The following BACH2 variants were observed in gnomAD, a reference collection of about 807,000 sequenced individuals.
The protein encoded by BACH2 is BACH transcriptional regulator 2.
A neutral mutation model predicts 61.8 loss-of-function variants in BACH2; 5 were observed. The ratio of observed to expected loss-of-function variants is 0.08; its 90% confidence interval spans 0.04 to 0.17. BACH2 has a LOEUF of 0.17. BACH2 is among the 10% of genes least tolerant of loss of function. The pLI, the probability that BACH2 is intolerant of heterozygous loss-of-function variation, is 1.00. For missense variants in BACH2, 824 were observed against 1,091.1 expected (o/e 0.76, Z 3.45); for synonymous variants, 446 against 440.1 (o/e 1.01, Z -0.17).
chr6:90,270,660 A>G (rs1382401678), intron 2 of BACH2, among the ~76,000 whole-genome samples: 1 of 152,210 alleles, frequency 6.6e-6, no homozygotes, highest in Non-Finnish European at 1.5e-5. Context: ...GACAAAAGCA[A>G]TCTACAGATT....
At chr6:90,247,245 T>TC (rs1491362133) in intron 3 of BACH2, among the ~76,000 whole-genome samples, 3 of 151,288 alleles carry the variant, frequency 2.0e-5, no homozygotes, top group African/African-American at 7.3e-5. Flanking sequence ...TTCTTCTTCT[T>TC]CTTTTTTTTT....
At chr6:90,260,612 G>C (rs994111943) in intron 2 of BACH2, among the ~76,000 whole-genome samples, 2 of 152,192 alleles carry the variant, frequency 1.3e-5, no homozygotes, top group African/African-American at 4.8e-5. Flanking sequence ...TTTTCTGTCT[G>C]AATGATGTAC....
chr6:90,204,040 C>T (rs1032670702), intron 4 of BACH2, among the ~76,000 whole-genome samples: 5 of 152,126 alleles, frequency 3.3e-5, no homozygotes, highest in African/African-American at 1.2e-4. Context: ...GAGGGATGGT[C>T]TCTAATGGAT....
chr6:90,206,809 A>G (rs1028080683), intron 3 of BACH2, 128 bp from the exon 4 acceptor site: 1 of 152,262 alleles, frequency 6.6e-6, no homozygotes, highest in African/African-American at 2.4e-5. Flanking sequence ...CATGGTAGCC[A>G]CTAGTCAGAT....
intron 6 of BACH2, among the ~76,000 whole-genome samples, chr6:89,967,433 G>C (rs1441791781): frequency 1.3e-5 from 2 of 152,188 alleles, no homozygotes; most frequent in South Asian, 2.1e-4. Context: ...GGGTGTTCCA[G>C]TATTTGGATG....
At chr6:90,147,200 C>T (rs747577932) in intron 4 of BACH2, among the ~76,000 whole-genome samples, 4 of 152,150 alleles carry the variant, frequency 2.6e-5, no homozygotes, top group African/African-American at 9.7e-5. Context: ...TGCAAAGTAT[C>T]TGAGGGTAGG....
At chr6:90,258,751 GT>G (rs997898637) in intron 2 of BACH2, among the ~76,000 whole-genome samples, 3 of 151,768 alleles carry the variant, frequency 2.0e-5, no homozygotes, top group Admixed American at 1.3e-4. Context: ...ATGTTTTATA[GT>G]TTTCAGTGTA....
intron 6 of BACH2, among the ~76,000 whole-genome samples, chr6:89,959,190 G>A (rs574794541): frequency 6.6e-6 from 1 of 151,788 alleles, no homozygotes; most frequent in South Asian, 2.1e-4. Context: ...CTGATTTGAG[G>A]AGGGGGTGAT....
At chr6:90,253,471 C>G (rs1770877759) in intron 2 of BACH2, among the ~76,000 whole-genome samples, 2 of 152,036 alleles carry the variant, frequency 1.3e-5, no homozygotes, top group African/African-American at 2.4e-5. Context: ...ATTAGGATAC[C>G]TTAGAAGAGG....
At chr6:90,186,545 C>T (rs866266714) in intron 4 of BACH2, among the ~76,000 whole-genome samples, 6 of 152,184 alleles carry the variant, frequency 3.9e-5, no homozygotes, top group Middle Eastern at 6.8e-3. Flanking sequence ...ATTTAAAACA[C>T]GGTGTTATCA....
chr6:89,973,303 TA>T (rs1775473397), intron 6 of BACH2, among the ~76,000 whole-genome samples: 1 of 151,924 alleles, frequency 6.6e-6, no homozygotes, highest in South Asian at 2.1e-4. Context: ...TGAGCTAGTA[TA>T]ATGTGAGATG....
In BACH2 at chr6:89,950,339, G is replaced by A; in HGVS notation, c.1767C>T (p.Ser589=). The change falls in exon 7 of 9, where the codon TCC becomes TCT. Residue 589 remains serine (S), a synonymous_variant. Coordinates refer to ENST00000257749, the MANE Select transcript of BACH2 (RefSeq NM_021813.4). The surrounding 1 kb of genome is among the most constrained non-coding windows in gnomAD (Gnocchi z 5.3). ...IKCEQSYGTN[S]SDESGSFSEA... ...CCGAGAACGATCCGGATTCGTCACTGGAGTTGGTTCCATAAGACTGCTCAC... is the reference window on the plus strand; with the variant it reads ...CCGAGAACGATCCGGATTCGTCACTAGAGTTGGTTCCATAAGACTGCTCAC... 6.2e-7 allele frequency: 1 copy of A among 1,614,158 alleles called. No individual in the cohort carries two copies. Among genetic ancestry groups the A allele is most frequent in the East Asian group, 2.2e-5 (1 of 44,870 alleles).
intron 6 of BACH2, among the ~76,000 whole-genome samples, chr6:89,989,685 C>A (rs1324974914): frequency 6.6e-6 from 1 of 152,206 alleles, no homozygotes; most frequent in African/African-American, 2.4e-5. Context: ...ATGTCAAATA[C>A]ATTCTCTGAA....
intron 4 of BACH2, among the ~76,000 whole-genome samples, chr6:90,153,673 C>T (rs1321130611): frequency 6.6e-6 from 1 of 152,206 alleles, no homozygotes; most frequent in Non-Finnish European, 1.5e-5. Flanking sequence ...ATACCAATCT[C>T]TCTCCATGCT....
intron 5 of BACH2, among the ~76,000 whole-genome samples, chr6:90,009,243 C>T (rs150846859): frequency 2.0e-5 from 3 of 152,272 alleles, no homozygotes; most frequent in Non-Finnish European, 2.9e-5. Context: ...TATGCAAGGA[C>T]TAACTTAGAT....
chr6:90,137,286 C>CT (rs1784301466), intron 4 of BACH2, among the ~76,000 whole-genome samples: 1 of 152,132 alleles, frequency 6.6e-6, no homozygotes, highest in South Asian at 2.1e-4. Context: ...TATATGCTAT[C>CT]TGAGAGGCAT....
intron 7 of BACH2, among the ~76,000 whole-genome samples, chr6:89,939,822 AAT>A (rs1030045589): frequency 6.7e-5 from 7 of 104,190 alleles, no homozygotes; most frequent in Non-Finnish European, 5.6e-5. Context: ...CAGTTAATTA[AAT>A]TTTTTTTTTT....
At position 90,086,748 on chromosome 6, in the gene BACH2, G is replaced by A. The variant is rs753402748; in HGVS notation, c.-13+2213C>T. Among the ~76,000 whole-genome samples the A allele has an allele frequency of 3.9e-5, 6 of 152,206 alleles. No individual in the cohort carries two copies. In the South Asian group the frequency reaches 8.3e-4, roughly 21 times the overall value. On this transcript the variant is annotated intron_variant, in intron 5 of 8. Coordinates refer to ENST00000257749, the MANE Select transcript of BACH2 (RefSeq NM_021813.4). ...CCACAGGAACACTGGATGTGTAAAC[G>A]TGGAGATCTGCGGAGTGGCAGAGCA...
At chr6:90,175,904 A>C (rs1353314257) in intron 4 of BACH2, among the ~76,000 whole-genome samples, 1 of 152,016 alleles carries the variant, frequency 6.6e-6, no homozygotes, top group African/African-American at 2.4e-5. Context: ...CCAGGTACCA[A>C]GCAAGCAGGG....
Sources: allele counts gnomAD v4.1 joint callset (sites outside exome capture counted in the v4.1 genomes callset), GRCh38; gene constraint gnomAD v4.1.1; non-coding constraint Gnocchi (gnomAD v3.1); transcripts MANE v1.5; gene names NCBI Gene and HGNC (gene_info 2026-07-23, HGNC 2026-07-21).